Variants in ZNF385D observed in about 807,000 individuals in gnomAD.
ZNF385D encodes the protein zinc finger protein 659.
Under a neutral mutation model 35.8 loss-of-function variants are expected in ZNF385D, and 15 were observed. The observed-to-expected ratio is 0.42, with a 90% CI of 0.28 to 0.64. ZNF385D has a LOEUF of 0.64. ZNF385D is among the 30% of genes least tolerant of loss of function. ZNF385D has a pLI of 0.23. For synonymous variants in ZNF385D, 212 were observed against 186.8 expected (o/e 1.13, Z -1.10); for missense variants, 474 against 494.6 (o/e 0.96, Z 0.39).
intron 3 of ZNF385D, among the ~76,000 whole-genome samples, chr3:21,965,293 C>T (rs1033922889): frequency 6.6e-6 from 1 of 152,056 alleles, no homozygotes; most frequent in African/African-American, 2.4e-5. Flanking sequence ...CAAATGAATG[C>T]CACATATTGG....
At chr3:21,744,719 T>A (rs1470548079) in intron 1 of ZNF385D, among the ~76,000 whole-genome samples, 1 of 152,072 alleles carries the variant, frequency 6.6e-6, no homozygotes, top group Non-Finnish European at 1.5e-5. Context: ...TTCTATAGAG[T>A]TAACACCGGC....
intron 3 of ZNF385D, among the ~76,000 whole-genome samples, chr3:22,132,367 T>C (rs1363220685): frequency 2.0e-5 from 3 of 152,184 alleles, no homozygotes; most frequent in Non-Finnish European, 4.4e-5. Context: ...CTTCCCAGCC[T>C]TCAGAACTGA....
Position 21,845,178 on chromosome 3 carries a change from T to C in ZNF385D, c.326-180150A>G, listed in dbSNP as rs149509736. On this transcript the variant is annotated intron_variant, in intron 3 of 5. Transcript: ENST00000494108. ...ACTTCTACGAATGCCAGATTATAGG[T>C]TGCATGTCTGTGCTGCAAATTTGCT... is the stretch of plus-strand genomic sequence containing the variant. Among the ~76,000 whole-genome samples the C allele has an allele frequency of 7.9e-3, 1,200 of 152,044 alleles. 15 individuals carry two copies. The highest frequency in any genetic ancestry group is 0.028 in the African/African-American group (1,153 of 41,532).
intron 4 of ZNF385D, among the ~76,000 whole-genome samples, chr3:21,492,221 T>C (rs1005919279): frequency 2.0e-5 from 3 of 152,128 alleles, no homozygotes; most frequent in African/African-American, 2.4e-5. Context: ...GCAAAGTCTT[T>C]CTAAGGTTTT....
chr3:22,088,369 G>A (rs1421199757), intron 3 of ZNF385D, among the ~76,000 whole-genome samples: 1 of 152,146 alleles, frequency 6.6e-6, no homozygotes, highest in Non-Finnish European at 1.5e-5. Context: ...TATGTGCAGG[G>A]GCCTGGTAAC....
chr3:21,587,808 C>G (rs1208372658), intron 2 of ZNF385D, among the ~76,000 whole-genome samples: 5 of 151,886 alleles, frequency 3.3e-5, no homozygotes, highest in Non-Finnish European at 5.9e-5. Context: ...GAAAAAAGAT[C>G]CAACAAAGGA....
chr3:21,655,121 A>G (rs942926701), intron 2 of ZNF385D, among the ~76,000 whole-genome samples: 1 of 152,000 alleles, frequency 6.6e-6, no homozygotes, highest in Non-Finnish European at 1.5e-5. Context: ...AAACAACAAC[A>G]ACAACAACAA....
intron 3 of ZNF385D, among the ~76,000 whole-genome samples, chr3:21,947,284 G>C (rs1701838277): frequency 6.6e-6 from 1 of 152,038 alleles, no homozygotes; most frequent in Non-Finnish European, 1.5e-5. Flanking sequence ...CAAATTTATG[G>C]TACAGTTAAG....
chr3:22,006,071 G>C lies in ZNF385D; in HGVS notation c.325+162746C>G, dbSNP rs190524853. On this transcript the variant is annotated intron_variant, in intron 3 of 5. Transcript: ENST00000494108. The stretch of plus-strand genomic sequence containing the variant: ...CTTTTGTGTATTTAAATACAGTCCA[G>C]GGTAGTCAGTCACCTCCTGGTTCTA... Among the ~76,000 whole-genome samples, 190 of 152,172 alleles carry C rather than the reference G, an allele frequency of 1.2e-3. 1 individual carries two copies. The highest frequency in any genetic ancestry group is 0.011 in the Admixed American group (172 of 15,284).
intron 3 of ZNF385D, among the ~76,000 whole-genome samples, chr3:22,096,895 A>C (rs1701663790): frequency 6.6e-6 from 1 of 152,074 alleles, no homozygotes; most frequent in Admixed American, 6.6e-5. Context: ...ATTGACCAAA[A>C]AGACACAGCT....
intron 3 of ZNF385D, among the ~76,000 whole-genome samples, chr3:22,122,254 T>C (rs539156387): frequency 4.1e-4 from 63 of 152,262 alleles, no homozygotes; most frequent in African/African-American, 1.4e-3. Flanking sequence ...AATTGAAGCT[T>C]GCAAGTGACA....
At chr3:21,621,892 T>C (rs1010382921) in intron 2 of ZNF385D, among the ~76,000 whole-genome samples, 14 of 149,048 alleles carry the variant, frequency 9.4e-5, no homozygotes, top group African/African-American at 2.9e-4. Flanking sequence ...TGTGTGTGTG[T>C]GTGCGTGCAC....
At chr3:22,032,754 C>T (rs13322249) in intron 3 of ZNF385D, among the ~76,000 whole-genome samples, 5,673 of 152,108 alleles carry the variant, frequency 0.037, 366 homozygotes, top group African/African-American at 0.13. Context: ...AAAACAATCA[C>T]GATTAATAAT....
chr3:22,090,634 G>A (rs370607466), intron 3 of ZNF385D, among the ~76,000 whole-genome samples: 2 of 152,126 alleles, frequency 1.3e-5, no homozygotes, highest in East Asian at 3.8e-4. Flanking sequence ...TTTACTTTGT[G>A]GGTTGAGTAA....
intron 3 of ZNF385D, among the ~76,000 whole-genome samples, chr3:21,966,349 G>C (rs1702912134): frequency 6.6e-6 from 1 of 152,264 alleles, no homozygotes; most frequent in South Asian, 2.1e-4. Flanking sequence ...TTAAAGCTAA[G>C]GAACTAACTT....
intron 3 of ZNF385D, among the ~76,000 whole-genome samples, chr3:21,897,511 C>A (rs1351318025): frequency 3.3e-5 from 5 of 152,046 alleles, no homozygotes; most frequent in Admixed American, 3.3e-4. Flanking sequence ...TTTCTACTTC[C>A]ATTTCTCCTT....
chr3:22,183,538 A>G lies in ZNF385D; in HGVS notation c.107-14503T>C, dbSNP rs185032243. Among the ~76,000 whole-genome samples, 848 of 152,180 alleles carry G rather than the reference A, an allele frequency of 5.6e-3. 4 individuals are homozygous for G. The highest frequency in any genetic ancestry group is 0.019 in the African/African-American group (793 of 41,526). ...ATGCCCAGCTAATTTTTGTATTTTT[A>G]GTAGAGACGGTGTTTCACCATATTG... On this transcript the variant is annotated intron_variant, in intron 2 of 5. Coordinates refer to the ZNF385D transcript ENST00000494108.
chr3:21,720,600 G>T (rs942067831), intron 1 of ZNF385D, among the ~76,000 whole-genome samples: 1 of 152,130 alleles, frequency 6.6e-6, no homozygotes, highest in Non-Finnish European at 1.5e-5. Context: ...TACTGAATCC[G>T]AAGCCAAAAG....
chr3:22,284,382 G>A (rs1363362631), intron 2 of ZNF385D, among the ~76,000 whole-genome samples: 1 of 151,768 alleles, frequency 6.6e-6, no homozygotes, highest in Non-Finnish European at 1.5e-5. Context: ...AGTAGAGATG[G>A]AGTTTCACCG....
Sources: allele counts gnomAD v4.1 joint callset (sites outside exome capture counted in the v4.1 genomes callset), GRCh38; gene constraint gnomAD v4.1.1; transcripts MANE v1.5; gene names NCBI Gene and HGNC (gene_info 2026-07-23, HGNC 2026-07-21).